RNF19A: variants seen among roughly 807,000 people sequenced by gnomAD.
RNF19A encodes E3 ubiquitin-protein ligase RNF19A.
In RNF19A, 32 loss-of-function variants were observed where a neutral mutation model predicts 75.7. That is an observed-to-expected ratio of 0.42 (90% confidence interval 0.32 to 0.57). The LOEUF (loss-of-function observed/expected upper bound fraction) is 0.57, where lower values mean the gene tolerates loss of function less well. Among genes scored for constraint, RNF19A ranks in the 20% least tolerant of loss-of-function variants. The probability of loss-of-function intolerance (pLI) is 0.10; values close to 1 mark genes in which losing one functional copy is unlikely to be tolerated. For missense variants in RNF19A, 782 were observed against 1,036.3 expected (o/e 0.75, Z 3.37); for synonymous variants, 335 against 345.2 (o/e 0.97, Z 0.33).
rs76372478 is a variant in RNF19A at position 100,271,155 on chromosome 8, C to CTTT, written c.884-1145_884-1143dup. ...AGCACTTCTTCTAGGACCAAAGATG[C>CTTT]TTTTTTTTTTTTTTTAACTTAAGAT... On this transcript the variant is annotated intron_variant, in intron 3 of 9. Coordinates refer to ENST00000341084, the MANE Select transcript of RNF19A (RefSeq NM_183419.4). Among the ~76,000 whole-genome samples, 148 of 131,328 alleles carry CTTT rather than the reference C, an allele frequency of 1.1e-3. 3 individuals carry two copies. The South Asian group carries it at 0.035, about 31-fold the overall frequency. The allele number at this position is 131,328 out of a possible 152,430, so 86.2% of individuals were successfully genotyped here.
intron 1 of RNF19A, among the ~76,000 whole-genome samples, chr8:100,334,900 G>C (rs1822656945): frequency 1.3e-5 from 2 of 152,188 alleles, no homozygotes; most frequent in Admixed American, 6.5e-5. Flanking sequence ...CTGCTCTGAA[G>C]GTTGCCTTTC....
chr8:100,304,771 A>G (rs1181549041), intron 1 of RNF19A, among the ~76,000 whole-genome samples: 1 of 152,196 alleles, frequency 6.6e-6, no homozygotes, highest in Non-Finnish European at 1.5e-5. Flanking sequence ...TTCTATATGC[A>G]CCAGTCTCAT....
chr8:100,309,844 C>A (rs1296437515), intron 1 of RNF19A, 23 bp downstream of exon 1: 3 of 985,516 alleles, frequency 3.0e-6, no homozygotes, highest in Non-Finnish European at 3.6e-6. Flanking sequence ...GGGGCGCAAG[C>A]TCCTCCGGGT....
chr8:100,287,644 T>A lies in RNF19A; in HGVS notation c.531A>T (p.Pro177=). ...ISESRVNISC[P]ECTERFNPHD... ...GGGGATTAAACCGTTCAGTACATTC[T>A]GGGCAACTAATATTAACTCTGCTTT... Residue 177 remains proline (P), a synonymous_variant, in exon 2 of 10, where the codon CCA becomes CCT. Transcript: ENST00000341084. This position sits in a 1 kb window ranked among gnomAD's most constrained non-coding sequence, Gnocchi z 4.1. The A allele has an allele frequency of 6.2e-7, 1 of 1,614,182 alleles. No individual in the cohort carries two copies. The highest frequency in any genetic ancestry group is 8.5e-7 in the Non-Finnish European group (1 of 1,180,008).
chr8:100,264,534 G>A lies in RNF19A; in HGVS notation c.1306+137C>T. On this transcript the variant is annotated intron_variant, in intron 6 of 9. Transcript: ENST00000341084. The surrounding 1 kb of genome is among the most constrained non-coding windows in gnomAD (Gnocchi z 4.7). ...ACTTTAAGGCTAGGCTCTTGAATCT[G>A]TAATACTTTCAACCAAGACTTACTG... is the stretch of plus-strand genomic sequence containing the variant. 1 of 647,312 alleles carries A rather than the reference G, an allele frequency of 1.5e-6. No individual in the cohort carries two copies. The highest frequency in any genetic ancestry group is 2.0e-5 in the South Asian group (1 of 51,000). The allele number at this position is 647,312 out of a possible 1,614,324, so 40.1% of individuals were successfully genotyped here. A position where few individuals can be genotyped will look rare whatever the true frequency, so the allele number is the denominator to read the frequency against.
intron 5 of RNF19A, among the ~76,000 whole-genome samples, chr8:100,266,748 T>C (rs1820000118): frequency 6.6e-6 from 1 of 152,002 alleles, no homozygotes; most frequent in Non-Finnish European, 1.5e-5. Flanking sequence ...CCTGGATTAA[T>C]GCAATCCTCC....
chr8:100,321,354 A>C (rs921790704), intron 1 of RNF19A, among the ~76,000 whole-genome samples: 4 of 152,222 alleles, frequency 2.6e-5, no homozygotes, highest in Non-Finnish European at 4.4e-5. Context: ...ATCTAAAGAA[A>C]CTACTTTCTT....
intron 1 of RNF19A, among the ~76,000 whole-genome samples, chr8:100,291,845 T>C (rs1821308611): frequency 6.6e-6 from 1 of 152,230 alleles, no homozygotes; most frequent in Non-Finnish European, 1.5e-5. Context: ...CTATGTCTTC[T>C]AATTTTAATT....
Position 100,329,097 on chromosome 8 carries a change from T to C in RNF19A, c.-243+7011A>G, listed in dbSNP as rs532111684. On this transcript the variant is annotated intron_variant, in intron 1 of 3. Transcript: ENST00000519527. The surrounding 1 kb of genome is among the most constrained non-coding windows in gnomAD (Gnocchi z 4.3). ...TCCTGGCTGCTACCCTTTAATTTGATATAGGAGAGGGAGAGGGGTGGTGTA... is the reference window on the plus strand; with the variant it reads ...TCCTGGCTGCTACCCTTTAATTTGACATAGGAGAGGGAGAGGGGTGGTGTA... 6.6e-6 allele frequency among the ~76,000 whole-genome samples: 1 copy of C among 152,178 alleles called. No individual in the cohort carries two copies. The highest frequency in any genetic ancestry group is 1.9e-4 in the East Asian group (1 of 5,174).
At chr8:100,303,752 C>A (rs1745093093) in intron 1 of RNF19A, among the ~76,000 whole-genome samples, 2 of 142,216 alleles carry the variant, frequency 1.4e-5, no homozygotes, top group Non-Finnish European at 3.0e-5. Flanking sequence ...GGCAAAACCT[C>A]GCCGCTTGTA....
In RNF19A at chr8:100,258,543, A is replaced by C. The variant is rs770482112; in HGVS notation, c.*13T>G. 6.3e-7 allele frequency: 1 copy of C among 1,586,430 alleles called. No individual in the cohort carries two copies. The highest frequency in any genetic ancestry group is 1.3e-5 in the African/African-American group (1 of 74,278). On this transcript the variant is annotated 3_prime_UTR_variant, in exon 10 of 10. Transcript: ENST00000341084. This position sits in a 1 kb window ranked among gnomAD's most constrained non-coding sequence, Gnocchi z 4.3. ...GGTTGTACAGTGGTAATTATTCTGC[A>C]GCATTTATGGGCCTAAATTTCAGTC...
rs115894333 is a variant in RNF19A at position 100,295,311 on chromosome 8, T to C, written c.-93-7044A>G. Among the ~76,000 whole-genome samples, 1,026 of 152,352 alleles carry C rather than the reference T, an allele frequency of 6.7e-3. 8 individuals carry two copies. Among genetic ancestry groups the C allele is most frequent in the African/African-American group, 0.023 (953 of 41,590 alleles). On this transcript the variant is annotated intron_variant, in intron 1 of 9. Transcript: ENST00000341084. ...TTCTTCCTAGTAGACTTTAGATACT[T>C]TTGACAGCACTCTATTTTTCGTAGT...
intron 1 of RNF19A, among the ~76,000 whole-genome samples, chr8:100,289,929 G>A (rs1821208969): frequency 6.6e-6 from 1 of 152,028 alleles, no homozygotes; most frequent in South Asian, 2.1e-4. Flanking sequence ...ATAATTTGTG[G>A]TATATTCACA....
rs1256549561 is a variant in RNF19A at position 100,288,016 on chromosome 8, C to T, written c.159G>A (p.Leu53=). ...TTTTGGGTGCCTTTTTGACTGAAGG[C>T]AAGCTCACAGATGAAGCAGAGGACT... ...DLQSSASSVS[L]PSVKKAPKKR... Residue 53 remains leucine (L), a synonymous_variant, in exon 2 of 10, where the codon TTG becomes TTA. Transcript: ENST00000341084. The T allele has an allele frequency of 6.2e-7, 1 of 1,614,162 alleles. No individual in the cohort carries two copies. Among genetic ancestry groups the T allele is most frequent in the Non-Finnish European group, 8.5e-7 (1 of 1,180,028 alleles).
At chr8:100,305,649 T>C (rs1156601021) in intron 1 of RNF19A, among the ~76,000 whole-genome samples, 1 of 152,230 alleles carries the variant, frequency 6.6e-6, no homozygotes, top group Non-Finnish European at 1.5e-5. Flanking sequence ...CCTTAGATTG[T>C]AGATACTTTA....
Position 100,321,041 on chromosome 8 carries a change from G to C in RNF19A, c.-242-7669C>G, listed in dbSNP as rs549994255. On this transcript the variant is annotated intron_variant, in intron 1 of 3. Transcript: ENST00000519527. ...TTTTGCTGGTGGAGAGTCTTGCCTC[G>C]ATGTTGATGGTGGCTGAATGATCAG... Among the ~76,000 whole-genome samples, 20 of 152,170 alleles carry C rather than the reference G, an allele frequency of 1.3e-4. No homozygotes were observed. The East Asian group carries it at 3.7e-3, about 28-fold the overall frequency.
chr8:100,311,736 AAAAG>A (rs200987506), upstream of RNF19A, among the ~76,000 whole-genome samples: 7,625 of 126,278 alleles, frequency 0.06, 770 homozygotes, highest in African/African-American at 0.21. Context: ...AAAAAAAAAA[AAAAG>A]AAAAGAAAAT....
intron 1 of RNF19A, among the ~76,000 whole-genome samples, chr8:100,319,218 G>A (rs975243736): frequency 1.2e-4 from 19 of 152,044 alleles, no homozygotes; most frequent in Non-Finnish European, 4.4e-5. Flanking sequence ...AAAAAAATTT[G>A]TAAGCTAAAA....
rs948801442 is a variant in RNF19A at position 100,257,518 on chromosome 8, G to A, written c.*1038C>T. The A allele has an allele frequency of 1.3e-5, 2 of 152,904 alleles. No homozygotes were observed. The highest frequency in any genetic ancestry group is 4.8e-5 in the African/African-American group (2 of 41,448). 9.5% of individuals were successfully genotyped at this position (152,904 alleles called of 1,614,324 possible). A position where few individuals can be genotyped will look rare whatever the true frequency, so the allele number is the denominator to read the frequency against. ...TGGTACAAGTTCTGCACCGTGCTTT[G>A]ATTTCATGGTTGGAGAAGATATGCA... On this transcript the variant is annotated 3_prime_UTR_variant, in exon 10 of 10. Transcript: ENST00000341084.
Sources: allele counts gnomAD v4.1 joint callset (sites outside exome capture counted in the v4.1 genomes callset), GRCh38; gene constraint gnomAD v4.1.1; non-coding constraint Gnocchi (gnomAD v3.1); transcripts MANE v1.5; gene names NCBI Gene and HGNC (gene_info 2026-07-23, HGNC 2026-07-21).